Variants in PCDHGA2 observed in about 807,000 individuals in gnomAD.
PCDHGA2 encodes protocadherin gamma subfamily A, 2.
In PCDHGA2, 40 loss-of-function variants were observed where a neutral mutation model predicts 59.2. The ratio of observed to expected loss-of-function variants is 0.68; its 90% CI spans 0.52 to 0.88. The LOEUF (loss-of-function observed/expected upper bound fraction) is 0.88, where lower values mean the gene tolerates loss of function less well. PCDHGA2 is among the 40% of genes least tolerant of loss of function. PCDHGA2 has a pLI of 0.00. For missense variants in PCDHGA2, 1,226 were observed against 1,204.0 expected (o/e 1.02, Z -0.27); for synonymous variants, 560 against 526.0 (o/e 1.06, Z -0.89).
intron 1 of PCDHGA2, chr5:141,441,940 G>T (rs2098285664): frequency 5.9e-6 from 2 of 341,298 alleles, no homozygotes; most frequent in Non-Finnish European, 1.1e-5. Flanking sequence ...GTCCTACCAC[G>T]TGCTGCAGGC....
At position 141,476,902 on chromosome 5, in the gene PCDHGA2, C is replaced by T. The variant is rs1399250599; in HGVS notation, c.2425-17905C>T. ...TGGAGGATGCACCCTCCGGCACGCG[C>T]GTGGTACAAGTCCTTGCAACGGATC... On this transcript the variant is annotated intron_variant, in intron 1 of 3. Transcript: ENST00000394576. This position sits in a 1 kb window ranked among gnomAD's most constrained non-coding sequence, Gnocchi z 7.6. 2 of 1,613,998 alleles carry T rather than the reference C, an allele frequency of 1.2e-6. No individual in the cohort carries two copies. The highest frequency in any genetic ancestry group is 1.7e-6 in the Non-Finnish European group (2 of 1,180,034).
At chr5:141,370,084 A>C (rs947010720) in intron 1 of PCDHGA2, among the ~76,000 whole-genome samples, 2 of 152,244 alleles carry the variant, frequency 1.3e-5, no homozygotes, top group Non-Finnish European at 2.9e-5. Context: ...AAGTATCACT[A>C]TCAGTACACT....
chr5:141,380,568 A>T (rs1449370426), intron 1 of PCDHGA2, among the ~76,000 whole-genome samples: 1 of 152,214 alleles, frequency 6.6e-6, no homozygotes, highest in Admixed American at 6.5e-5. Context: ...TTTATTAAAC[A>T]TATCTTGGCG....
intron 1 of PCDHGA2, among the ~76,000 whole-genome samples, chr5:141,473,107 C>A (rs2099314182): frequency 6.6e-6 from 1 of 152,134 alleles, no homozygotes; most frequent in Admixed American, 6.5e-5. Flanking sequence ...TATTACCACA[C>A]TTTACTTGGC....
At chr5:141,407,980 C>G in intron 1 of PCDHGA2, 1 of 760,358 alleles carries the variant, frequency 1.3e-6, no homozygotes, top group Non-Finnish European at 2.0e-6. Flanking sequence ...CGCCGGGGAT[C>G]CGTCAGCCTC....
At position 141,489,503 on chromosome 5, in the gene PCDHGA2, A is replaced by T; in HGVS notation, c.2425-5304A>T. 1 of 1,614,092 alleles carries T rather than the reference A, an allele frequency of 6.2e-7. No homozygotes were observed. ...ATGAGTGGTGCCCTGGCAGTGAATC[A>T]AAAGATTGACCGAGAAAGCCTATGT... is the stretch of plus-strand genomic sequence containing the variant. On this transcript the variant is annotated intron_variant, in intron 1 of 3. Transcript: ENST00000394576. The surrounding 1 kb of genome is among the most constrained non-coding windows in gnomAD (Gnocchi z 4.5).
Position 141,415,089 on chromosome 5 carries a change from C to T in PCDHGA2, c.2424+73694C>T, listed in dbSNP as rs1159857230. 1.9e-6 allele frequency: 3 copies of T among 1,613,556 alleles called. No individual in the cohort carries two copies. In the South Asian group the frequency reaches 3.3e-5, roughly 18 times the overall value. The stretch of plus-strand genomic sequence containing the variant: ...TGCGCACGGCGCGAGCCCTGCTGGA[C>T]AGAGACGCGCTCAAGCAAAGCCTCG... On this transcript the variant is annotated intron_variant, in intron 1 of 3. Coordinates refer to ENST00000394576, the MANE Select transcript of PCDHGA2 (RefSeq NM_018915.4).
chr5:141,373,336 T>C (rs1769491453), intron 1 of PCDHGA2, among the ~76,000 whole-genome samples: 1 of 152,216 alleles, frequency 6.6e-6, no homozygotes, highest in South Asian at 2.1e-4. Flanking sequence ...GCATCTAAAA[T>C]GGCAACTCTT....
chr5:141,450,386 A>T (rs1208546397), intron 1 of PCDHGA2, among the ~76,000 whole-genome samples: 2 of 152,192 alleles, frequency 1.3e-5, no homozygotes, highest in Non-Finnish European at 2.9e-5. Flanking sequence ...TGAAACTGAC[A>T]TTTGTAAAGA....
In PCDHGA2 at chr5:141,510,992, T is replaced by C. The variant is rs879030278; in HGVS notation, c.2618T>C (p.Met873Thr). The change falls in exon 4 of 4, where the codon ATG (methionine) becomes ACG (threonine). Residue 873 changes from methionine to threonine, a missense_variant. By Grantham distance (81) the Met-to-Thr change is moderately conservative. Coordinates refer to ENST00000394576, the MANE Select transcript of PCDHGA2 (RefSeq NM_018915.4). ...SSTLGGGAGT[M>T]GLSARYGPQF... is the part of the protein sequence containing the mutation. ...ACCCTGGGAGGGGGTGCCGGCACCA[T>C]GGGATTGAGCGCCCGCTACGGACCC... The C allele has an allele frequency of 1.9e-6, 3 of 1,614,164 alleles. No individual in the cohort carries two copies. The highest frequency in any genetic ancestry group is 2.5e-6 in the Non-Finnish European group (3 of 1,180,006).
At chr5:141,398,867 A>G (rs375842913) in intron 1 of PCDHGA2, 18 of 1,613,862 alleles carry the variant, frequency 1.1e-5, no homozygotes, top group Non-Finnish European at 1.4e-5. Context: ...CGAGACGTGT[A>G]CAGAGTCAGC....
intron 1 of PCDHGA2, among the ~76,000 whole-genome samples, chr5:141,452,455 C>T (rs2098741536): frequency 6.6e-6 from 1 of 152,208 alleles, no homozygotes; most frequent in Non-Finnish European, 1.5e-5. Flanking sequence ...GCCTTGTCAG[C>T]AGACGGAGCT....
rs549307445 is a variant in PCDHGA2, at chr5:141,400,703, G to T, written c.2424+59308G>T. On this transcript the variant is annotated intron_variant, in intron 1 of 3. Transcript: ENST00000394576. The stretch of plus-strand genomic sequence containing the variant: ...TTGTGAGTTTTTATGTCGCATAAAA[G>T]AAGTAGCCTTATAGATTTACAAAGT... 6 of 714,832 alleles carry T rather than the reference G, an allele frequency of 8.4e-6. No homozygotes were observed. In the Admixed American group the frequency reaches 1.4e-4, roughly 17 times the overall value. The allele number at this position is 714,832 out of a possible 1,614,324, so 44.3% of individuals were successfully genotyped here. A position where few individuals can be genotyped will look rare whatever the true frequency, so the allele number is the denominator to read the frequency against.
chr5:141,381,826 C>CTTCTTTTTTTTTTTTTT (rs1777532522), intron 1 of PCDHGA2, among the ~76,000 whole-genome samples: 2 of 74,284 alleles, frequency 2.7e-5, no homozygotes, highest in African/African-American at 1.2e-4. Flanking sequence ...CTTTCTTCTT[C>CTTCTTTTTTTTTTTTTT]TTTTTTTTTT....
intron 1 of PCDHGA2, among the ~76,000 whole-genome samples, chr5:141,459,664 T>A (rs766213146): frequency 1.3e-5 from 2 of 152,262 alleles, no homozygotes; most frequent in Non-Finnish European, 2.9e-5. Flanking sequence ...TCACTTTACA[T>A]TTTCATGAGC....
At position 141,375,481 on chromosome 5, in the gene PCDHGA2, CA is replaced by C. The variant is rs140643836; in HGVS notation, c.2424+34087del. 6.2e-4 allele frequency: 1,002 copies of C among 1,614,010 alleles called. 20 individuals are homozygous for C. The East Asian group carries it at 0.02, about 31-fold the overall frequency. On this transcript the variant is annotated intron_variant, in intron 1 of 3. Transcript: ENST00000394576. ...CAGTCTATGTCCTTGAAAACAACCC[CA>C]GGGGTGCCTCCATCTTCTCTGTGAA...
chr5:141,400,448 A>G (rs750585724), intron 1 of PCDHGA2: 1 of 1,614,078 alleles, frequency 6.2e-7, no homozygotes, highest in Non-Finnish European at 8.5e-7. Flanking sequence ...TCAGGACAAG[A>G]CATACTTTGT....
At chr5:141,353,883 G>T (rs994045852) in intron 1 of PCDHGA2, among the ~76,000 whole-genome samples, 5 of 152,292 alleles carry the variant, frequency 3.3e-5, no homozygotes, top group Non-Finnish European at 7.4e-5. Flanking sequence ...AAGTCTGAGG[G>T]TTTTTAAATT....
rs921020435 is a variant in PCDHGA2, at chr5:141,477,853, G to A, written c.2425-16954G>A. 5.0e-6 allele frequency: 8 copies of A among 1,613,344 alleles called. No homozygotes were observed. The East Asian group carries it at 1.6e-4, about 31-fold the overall frequency. On this transcript the variant is annotated intron_variant, in intron 1 of 3. Coordinates refer to ENST00000394576, the MANE Select transcript of PCDHGA2 (RefSeq NM_018915.4). The surrounding 1 kb of genome is among the most constrained non-coding windows in gnomAD (Gnocchi z 4.9). The stretch of plus-strand genomic sequence containing the variant: ...GGCCAGGTGGGAGCTCGGTGGAGAT[G>A]CTGCCTCGAGGTACCTCAGCTGGCC...
Sources: allele counts gnomAD v4.1 joint callset (sites outside exome capture counted in the v4.1 genomes callset), GRCh38; gene constraint gnomAD v4.1.1; non-coding constraint Gnocchi (gnomAD v3.1); transcripts MANE v1.5; gene names NCBI Gene and HGNC (gene_info 2026-07-23, HGNC 2026-07-21).